The following GNA14 variants were observed in gnomAD, a reference collection of about 807,000 sequenced individuals.
The protein encoded by GNA14 is G protein subunit alpha 14, also known as guanine nucleotide-binding protein subunit alpha-14.
In GNA14, 50 loss-of-function variants were observed where a neutral mutation model predicts 42.0. The ratio of observed to expected loss-of-function variants is 1.19; its 90% CI spans 0.95 to 1.51. GNA14 has a LOEUF of 1.51. Ranked by LOEUF, GNA14 falls within the 40% of genes most tolerant of loss-of-function variation. The probability of loss-of-function intolerance (pLI) is 0.00; values close to 1 mark genes in which losing one functional copy is unlikely to be tolerated. For synonymous variants in GNA14, 173 were observed against 163.1 expected, an observed-to-expected ratio of 1.06 and a Z score of -0.46; for missense variants, 473 against 446.2, an observed-to-expected ratio of 1.06 and a Z score of -0.54.
chr9:77,552,141 A>G lies in GNA14; in HGVS notation c.125-22888T>C, dbSNP rs533180450. Among the ~76,000 whole-genome samples the G allele has an allele frequency of 2.5e-3, 378 of 149,486 alleles. 1 individual carries two copies. Among genetic ancestry groups the G allele is most frequent in the Non-Finnish European group, 4.7e-3 (316 of 67,494 alleles). ...AACTCCATCTCAAAAAAAAAAAAAA[A>G]AAAAAGAAAAAGAAAGAAAGAAATT... On this transcript the variant is annotated intron_variant, in intron 1 of 6. Coordinates refer to ENST00000341700, the MANE Select transcript of GNA14 (RefSeq NM_004297.4).
intron 2 of GNA14, among the ~76,000 whole-genome samples, chr9:77,512,954 G>T (rs1837193780): frequency 6.6e-6 from 1 of 152,164 alleles, no homozygotes; most frequent in African/African-American, 2.4e-5. Context: ...TATTTTCCAT[G>T]CAACTATTTC....
At chr9:77,520,840 T>C (rs61210653) in intron 2 of GNA14, among the ~76,000 whole-genome samples, 8,847 of 152,284 alleles carry the variant, frequency 0.058, 838 homozygotes, top group African/African-American at 0.2. Context: ...AAGCATTTCT[T>C]TGGATTTTGT....
At chr9:77,443,481 T>C (rs1564015583) in intron 2 of GNA14, among the ~76,000 whole-genome samples, 1 of 152,206 alleles carries the variant, frequency 6.6e-6, no homozygotes, top group Non-Finnish European at 1.5e-5. Flanking sequence ...CCACCTAGAC[T>C]TCAATCTCCC....
chr9:77,472,422 C>A (rs1307813481), intron 2 of GNA14, among the ~76,000 whole-genome samples: 1 of 151,778 alleles, frequency 6.6e-6, no homozygotes, highest in East Asian at 1.9e-4. Context: ...AGGTTCTAGC[C>A]AGGACAATTA....
At chr9:77,586,850 G>C (rs1823313072) in intron 1 of GNA14, among the ~76,000 whole-genome samples, 1 of 152,182 alleles carries the variant, frequency 6.6e-6, no homozygotes, top group Admixed American at 6.5e-5. Context: ...AAGGAAGATG[G>C]AACCTCCATG....
intron 1 of GNA14, among the ~76,000 whole-genome samples, chr9:77,555,538 G>A (rs531845125): frequency 1.3e-5 from 2 of 152,112 alleles, no homozygotes; most frequent in Non-Finnish European, 2.9e-5. Flanking sequence ...ATATGCCTGA[G>A]TGTGTGTCTA....
intron 2 of GNA14, among the ~76,000 whole-genome samples, chr9:77,479,631 G>A (rs903266392): frequency 3.3e-5 from 5 of 151,806 alleles, no homozygotes; most frequent in Non-Finnish European, 5.9e-5. Context: ...CCATTTTCAC[G>A]ACCTTGGGCA....
chr9:77,586,136 T>C (rs1384851115), intron 1 of GNA14, among the ~76,000 whole-genome samples: 1 of 152,050 alleles, frequency 6.6e-6, no homozygotes, highest in African/African-American at 2.4e-5. Flanking sequence ...GATACATCAC[T>C]TACCCCTGGC....
intron 2 of GNA14, among the ~76,000 whole-genome samples, chr9:77,471,885 G>A (rs1306747936): frequency 2.6e-5 from 4 of 152,136 alleles, no homozygotes; most frequent in Non-Finnish European, 4.4e-5. Context: ...ACATTATTAT[G>A]AGCAGGTATA....
intron 1 of GNA14, among the ~76,000 whole-genome samples, chr9:77,635,751 A>G (rs1199244904): frequency 6.6e-6 from 1 of 152,220 alleles, no homozygotes; most frequent in East Asian, 1.9e-4. Flanking sequence ...CTTAGAAACT[A>G]GGAAATTCAA....
chr9:77,622,609 A>C (rs1300268855), intron 1 of GNA14, among the ~76,000 whole-genome samples: 1 of 151,930 alleles, frequency 6.6e-6, no homozygotes, highest in East Asian at 1.9e-4. Flanking sequence ...TCTACTAAAA[A>C]TACAAAAACA....
intron 2 of GNA14, among the ~76,000 whole-genome samples, chr9:77,515,980 A>C (rs1587811760): frequency 6.7e-6 from 1 of 148,568 alleles, no homozygotes; most frequent in South Asian, 2.1e-4. Context: ...AAAAAAAAAA[A>C]AAACCCAGAG....
At chr9:77,624,022 G>C (rs1587852243) in intron 1 of GNA14, among the ~76,000 whole-genome samples, 2 of 152,294 alleles carry the variant, frequency 1.3e-5, no homozygotes, top group South Asian at 4.1e-4. Context: ...CCACTGGCTT[G>C]AAATTCTCGC....
At chr9:77,465,682 T>G (rs1397452455) in intron 2 of GNA14, among the ~76,000 whole-genome samples, 2 of 143,548 alleles carry the variant, frequency 1.4e-5, no homozygotes, top group Non-Finnish European at 3.1e-5. Context: ...TTTTTTTTTT[T>G]GAGGCCTCAG....
At chr9:77,566,888 G>A (rs1475928616) in intron 1 of GNA14, among the ~76,000 whole-genome samples, 2 of 152,050 alleles carry the variant, frequency 1.3e-5, no homozygotes, top group Non-Finnish European at 2.9e-5. Flanking sequence ...TCAGGAGAGT[G>A]AACTTCAATA....
At chr9:77,601,648 AT>A (rs1823566444) in intron 1 of GNA14, among the ~76,000 whole-genome samples, 1 of 152,234 alleles carries the variant, frequency 6.6e-6, no homozygotes, top group Non-Finnish European at 1.5e-5. Flanking sequence ...CAGTAAAATA[AT>A]TTCCTAATTA....
intron 2 of GNA14, among the ~76,000 whole-genome samples, chr9:77,522,436 G>A (rs1398290451): frequency 6.6e-6 from 1 of 152,142 alleles, no homozygotes; most frequent in Non-Finnish European, 1.5e-5. Context: ...ATCTAACCAA[G>A]GCAGCCCAGT....
chr9:77,616,772 T>C (rs566295664), intron 1 of GNA14, among the ~76,000 whole-genome samples: 2 of 152,344 alleles, frequency 1.3e-5, no homozygotes, highest in Admixed American at 1.3e-4. Flanking sequence ...CATGCCTTGA[T>C]GAAACAATAA....
chr9:77,475,058 T>C (rs1038000285), intron 2 of GNA14, among the ~76,000 whole-genome samples: 2 of 150,024 alleles, frequency 1.3e-5, no homozygotes, highest in Non-Finnish European at 2.9e-5. Context: ...GGACATAAAA[T>C]TTTGTGATCC....
Sources: gnomAD v4.1 joint callset for allele counts (sites outside exome capture counted in the v4.1 genomes callset) on GRCh38, gnomAD v4.1.1 for gene constraint, MANE v1.5 for transcripts, NCBI Gene and HGNC (gene_info 2026-07-23, HGNC 2026-07-21) for gene names.